The following STUM variants were observed in gnomAD, a reference collection of about 807,000 sequenced individuals.
STUM encodes the protein protein stum homolog.
A neutral mutation model predicts 15.3 loss-of-function variants in STUM; 8 were observed. The observed-to-expected ratio is 0.52, with a 90% CI of 0.31 to 0.94. The LOEUF is 0.94. Among genes scored for constraint, STUM ranks in the 40% least tolerant of loss-of-function variants. The probability of loss-of-function intolerance (pLI) is 0.05; values close to 1 mark genes in which losing one functional copy is unlikely to be tolerated. For missense variants in STUM, 142 were observed against 204.9 expected, an observed-to-expected ratio of 0.69 and a Z score of 1.87; for synonymous variants, 78 against 88.7, an observed-to-expected ratio of 0.88 and a Z score of 0.68.
At position 226,603,328 on chromosome 1, in the gene STUM, G is replaced by A. The variant is rs1261748358; in HGVS notation, c.*1288G>A. ...AGATCCCTAATGGGGGCTAGGGGTG[G>A]GGAGAATCTAGCAGAAGTTGTCCAG... On this transcript the variant is annotated 3_prime_UTR_variant, in exon 4 of 4. Coordinates refer to ENST00000366788, the MANE Select transcript of STUM (RefSeq NM_001003665.4). 2.6e-5 allele frequency: 4 copies of A among 152,198 alleles called. No homozygotes were observed. The highest frequency in any genetic ancestry group is 6.5e-5 in the Admixed American group (1 of 15,280). 9.4% of individuals were successfully genotyped at this position (152,198 alleles called of 1,614,324 possible).
At position 226,548,777 on chromosome 1, in the gene STUM, C is replaced by A; in HGVS notation, c.-128C>A. The A allele has an allele frequency of 1.4e-6, 1 of 718,312 alleles. No homozygotes were observed. 44.5% of individuals were successfully genotyped at this position (718,312 alleles called of 1,614,324 possible). On this transcript the variant is annotated 5_prime_UTR_variant, in exon 1 of 4. Coordinates refer to ENST00000366788, the MANE Select transcript of STUM (RefSeq NM_001003665.4). Reference sequence around the variant, plus strand: ...GCGGGAGTCTCCGCGAGCCGCGCGGCGCACGGAGCACGGCGGCCGCCTGAG... The same window carrying A: ...GCGGGAGTCTCCGCGAGCCGCGCGGAGCACGGAGCACGGCGGCCGCCTGAG...
intron 1 of STUM, among the ~76,000 whole-genome samples, chr1:226,588,069 G>A (rs1181821301): frequency 6.6e-6 from 1 of 152,208 alleles, no homozygotes. Flanking sequence ...GCAAAAGTGT[G>A]TGGATGTTCA....
chr1:226,601,505 TAA>T (rs938675674), intron 3 of STUM, among the ~76,000 whole-genome samples: 2 of 152,230 alleles, frequency 1.3e-5, no homozygotes, highest in Non-Finnish European at 2.9e-5. Context: ...AACAATGTTT[TAA>T]AGGTTTAGCC....
chr1:226,582,120 C>A (rs954007664), intron 1 of STUM, among the ~76,000 whole-genome samples: 1 of 152,224 alleles, frequency 6.6e-6, no homozygotes, highest in South Asian at 2.1e-4. Flanking sequence ...GGAGCCTGAC[C>A]ACAGCTCCAC....
At chr1:226,571,381 G>A (rs1312765499) in intron 1 of STUM, among the ~76,000 whole-genome samples, 1 of 152,190 alleles carries the variant, frequency 6.6e-6, no homozygotes, top group Non-Finnish European at 1.5e-5. Context: ...AAGTGCCAAT[G>A]ATATTTTGAG....
At chr1:226,599,615 A>G (rs1009235874) in intron 2 of STUM, among the ~76,000 whole-genome samples, 1 of 152,248 alleles carries the variant, frequency 6.6e-6, no homozygotes, top group Non-Finnish European at 1.5e-5. Flanking sequence ...CAAACACACT[A>G]TCATGAAAAA....
intron 1 of STUM, among the ~76,000 whole-genome samples, chr1:226,596,549 C>T (rs1668183125): frequency 6.6e-6 from 1 of 152,206 alleles, no homozygotes; most frequent in South Asian, 2.1e-4. Context: ...CCAGAGGTTC[C>T]AAGACTGTAT....
rs1668312841 is a variant in STUM at position 226,603,882 on chromosome 1, C to T, written c.*1842C>T. 1 of 152,462 alleles carries T rather than the reference C, an allele frequency of 6.6e-6. No homozygotes were observed. The highest frequency in any genetic ancestry group is 2.4e-5 in the African/African-American group (1 of 41,480). The allele number at this position is 152,462 out of a possible 1,614,324, so 9.4% of individuals were successfully genotyped here. A position where few individuals can be genotyped will look rare whatever the true frequency, so the allele number is the denominator to read the frequency against. ...CTCTCCTGTTTGGAAGCCTCTGTAT[C>T]TTCAAGGTGTGGGAACAGATTTGGT... On this transcript the variant is annotated 3_prime_UTR_variant, in exon 4 of 4. Transcript: ENST00000366788.
intron 1 of STUM, among the ~76,000 whole-genome samples, chr1:226,559,835 T>C (rs1026375184): frequency 9.9e-5 from 15 of 152,096 alleles, no homozygotes; most frequent in African/African-American, 3.6e-4. Flanking sequence ...TAGCCGGGCA[T>C]GGTGGCGGGT....
chr1:226,596,724 C>T lies in STUM; in HGVS notation c.203-78C>T, dbSNP rs1668186180. The T allele has an allele frequency of 3.0e-6, 4 of 1,342,784 alleles. No homozygotes were observed. The East Asian group carries it at 9.3e-5, about 31-fold the overall frequency. 83.2% of individuals were successfully genotyped at this position (1,342,784 alleles called of 1,614,324 possible). ...AGTTCTTGGAGGGTGGACAGCTGGG[C>T]CCCAGGCCAGCAATGAGCACACAGA... On this transcript the variant is annotated intron_variant, in intron 1 of 3. Coordinates refer to ENST00000366788, the MANE Select transcript of STUM (RefSeq NM_001003665.4).
At chr1:226,581,458 G>A in intron 1 of STUM, among the ~76,000 whole-genome samples, 1 of 152,262 alleles carries the variant, frequency 6.6e-6, no homozygotes, top group East Asian at 1.9e-4. Flanking sequence ...CAAGAGTATT[G>A]TGCCAGCATC....
intron 2 of STUM, among the ~76,000 whole-genome samples, chr1:226,598,697 G>T: frequency 6.6e-6 from 1 of 152,164 alleles, no homozygotes; most frequent in Non-Finnish European, 1.5e-5. Flanking sequence ...GCTGGTGTGG[G>T]GCACTAACTG....
chr1:226,594,621 T>C (rs1383021483), intron 1 of STUM, among the ~76,000 whole-genome samples: 1 of 152,222 alleles, frequency 6.6e-6, no homozygotes, highest in Non-Finnish European at 1.5e-5. Context: ...CAGGGTTCTC[T>C]AGAGAGACAG....
intron 1 of STUM, among the ~76,000 whole-genome samples, chr1:226,583,649 A>G (rs1317453007): frequency 5.9e-5 from 9 of 151,970 alleles, no homozygotes; most frequent in Non-Finnish European, 1.3e-4. Flanking sequence ...CTTTCCTCAC[A>G]GCTCTGTGTC....
chr1:226,594,333 A>G (rs547632362), intron 1 of STUM, among the ~76,000 whole-genome samples: 9 of 152,352 alleles, frequency 5.9e-5, no homozygotes, highest in South Asian at 2.1e-4. Flanking sequence ...AAATCAGCAC[A>G]TGGACTCAGT....
intron 1 of STUM, among the ~76,000 whole-genome samples, chr1:226,571,233 A>AAAAACAAAAC (rs371772503): frequency 0.037 from 5,592 of 151,998 alleles, 235 homozygotes; most frequent in African/African-American, 0.095. Context: ...GGACTGTCTC[A>AAAAACAAAAC]AAAACAAAAC....
chr1:226,601,307 T>C (rs572311921), intron 3 of STUM, among the ~76,000 whole-genome samples: 1 of 152,272 alleles, frequency 6.6e-6, no homozygotes, highest in East Asian at 1.9e-4. Flanking sequence ...TTTGTATTCT[T>C]AGTAAGACGG....
Position 226,606,895 on chromosome 1 carries a change from T to A in STUM, c.*4855T>A, listed in dbSNP as rs1430956377. On this transcript the variant is annotated 3_prime_UTR_variant, in exon 4 of 4. Coordinates refer to ENST00000366788, the MANE Select transcript of STUM (RefSeq NM_001003665.4). ...TTGCATTAACTCATCAGCAAGCTCA[T>A]CGAGAGCTAACGTGGGCCCAGCAGT... 1 of 152,278 alleles carries A rather than the reference T, an allele frequency of 6.6e-6. No individual in the cohort carries two copies. The highest frequency in any genetic ancestry group is 2.4e-5 in the African/African-American group (1 of 41,452). 9.4% of individuals were successfully genotyped at this position (152,278 alleles called of 1,614,324 possible). A position where few individuals can be genotyped will look rare whatever the true frequency, so the allele number is the denominator to read the frequency against.
Position 226,600,661 on chromosome 1 carries a change from T to A in STUM, c.383-5T>A. 6.2e-7 allele frequency: 1 copy of A among 1,611,238 alleles called. No individual in the cohort carries two copies. Among genetic ancestry groups the A allele is most frequent in the South Asian group, 1.1e-5 (1 of 91,084 alleles). ...CCTGCTGCCTCCCACTCTGTGCTGC[T>A]GCAGTTTCCCAAGGTGAGTCTGCGG... On this transcript the variant is annotated splice_polypyrimidine_tract_variant and splice_region_variant and intron_variant, in intron 2 of 3. Coordinates refer to ENST00000366788, the MANE Select transcript of STUM (RefSeq NM_001003665.4). The surrounding 1 kb of genome is among the most constrained non-coding windows in gnomAD (Gnocchi z 5.2).
Sources: gnomAD v4.1 joint callset for allele counts (sites outside exome capture counted in the v4.1 genomes callset) on GRCh38, gnomAD v4.1.1 for gene constraint, Gnocchi (gnomAD v3.1) non-coding constraint, MANE v1.5 for transcripts, NCBI Gene and HGNC (gene_info 2026-07-23, HGNC 2026-07-21) for gene names.